Variants in KDM3A observed in about 807,000 individuals in gnomAD.
KDM3A encodes the protein lysine demethylase 3A.
A neutral mutation model predicts 158.0 loss-of-function variants in KDM3A; 60 were observed. The ratio of observed to expected loss-of-function variants is 0.38; its 90% CI spans 0.31 to 0.47. The LOEUF (loss-of-function observed/expected upper bound fraction) is 0.47, where lower values mean the gene tolerates loss of function less well. Ranked by LOEUF, KDM3A falls within the 20% of genes least tolerant of loss-of-function variation. The pLI is 0.99. For missense variants in KDM3A, 1,319 were observed against 1,574.3 expected (o/e 0.84, Z 2.74); for synonymous variants, 608 against 549.3 (o/e 1.11, Z -1.49).
At position 86,470,130 on chromosome 2, in the gene KDM3A, A is replaced by G. The variant is rs377750573; in HGVS notation, c.1520-74A>G. The G allele has an allele frequency of 4.2e-5, 51 of 1,226,786 alleles. No homozygotes were observed. In the African/African-American group the frequency reaches 7.2e-4, roughly 17 times the overall value. The allele number at this position is 1,226,786 out of a possible 1,614,324, so 76.0% of individuals were successfully genotyped here. On this transcript the variant is annotated intron_variant, in intron 10 of 25. Coordinates refer to ENST00000312912, the MANE Select transcript of KDM3A (RefSeq NM_018433.6). Reference sequence around the variant, plus strand: ...CTTTAAGGGAATATTGGGTTTTTGAATAGAATTCAGTCATATATGAATGTG... The same window carrying G: ...CTTTAAGGGAATATTGGGTTTTTGAGTAGAATTCAGTCATATATGAATGTG...
chr2:86,463,665 G>C (rs780530555), intron 8 of KDM3A, among the ~76,000 whole-genome samples: 1 of 152,240 alleles, frequency 6.6e-6, no homozygotes, highest in African/African-American at 2.4e-5. Context: ...CAGTAAGTGC[G>C]TGGTGGGCAC....
chr2:86,447,679 G>A (rs1334423671), intron 2 of KDM3A, among the ~76,000 whole-genome samples: 1 of 152,110 alleles, frequency 6.6e-6, no homozygotes, highest in Non-Finnish European at 1.5e-5. Context: ...AACATTGAGA[G>A]AACTTAGATT....
At position 86,480,340 on chromosome 2, in the gene KDM3A, G is replaced by A; in HGVS notation, c.2490G>A (p.Gly830=). The A allele has an allele frequency of 6.2e-7, 1 of 1,612,876 alleles. No individual in the cohort carries two copies. Among genetic ancestry groups the A allele is most frequent in the South Asian group, 1.1e-5 (1 of 91,034 alleles). The change falls in exon 16 of 26, where the codon GGG becomes GGA. Residue 830 remains glycine, a synonymous_variant. Transcript: ENST00000312912. ...PLNWLADLTS[G]NVNKENKEKQ... Reference sequence around the variant, plus strand: ...ACTGGCTGGCCGACCTAACCAGCGGGAATGTCAACAAGGAAAACAAGGGTG... The same window carrying A: ...ACTGGCTGGCCGACCTAACCAGCGGAAATGTCAACAAGGAAAACAAGGGTG...
intron 8 of KDM3A, among the ~76,000 whole-genome samples, chr2:86,463,119 T>C (rs1018984316): frequency 1.3e-5 from 2 of 152,024 alleles, no homozygotes; most frequent in African/African-American, 4.8e-5. Context: ...GAAAACCTAT[T>C]AGTGGAAGTT....
At chr2:86,462,847 C>CT (rs1672982199) in intron 8 of KDM3A, among the ~76,000 whole-genome samples, 1 of 152,116 alleles carries the variant, frequency 6.6e-6, no homozygotes, top group South Asian at 2.1e-4. Flanking sequence ...AATCCCAGCA[C>CT]TTTAGGAGGC....
intron 5 of KDM3A, 107 bp downstream of exon 5, chr2:86,455,294 C>CTTT (rs767439758): frequency 7.8e-5 from 42 of 538,648 alleles, no homozygotes; most frequent in Admixed American, 1.2e-4. Flanking sequence ...TTTCTTTTTT[C>CTTT]TTTTTTTTTT....
chr2:86,475,112 A>ATG (rs1290717553), intron 12 of KDM3A, 122 bp downstream of exon 12: 2 of 771,110 alleles, frequency 2.6e-6, no homozygotes, highest in Non-Finnish European at 4.3e-6. Flanking sequence ...CTTTGGTATA[A>ATG]TGAGGTTGCA....
intron 14 of KDM3A, 84 bp from the exon 15 acceptor site, chr2:86,478,524 G>A: frequency 6.9e-7 from 1 of 1,452,368 alleles, no homozygotes; most frequent in Non-Finnish European, 9.5e-7. Flanking sequence ...AATCCTGTGG[G>A]GAATGCCAGC....
intron 1 of KDM3A, 86 bp from the exon 2 acceptor site, chr2:86,441,932 C>A (rs1682734714): frequency 1.8e-6 from 2 of 1,088,076 alleles, no homozygotes; most frequent in Admixed American, 2.4e-5. Flanking sequence ...GCGGGTTCGG[C>A]GCCCTCCGCC....
intron 23 of KDM3A, 79 bp downstream of exon 23, chr2:86,489,738 C>T: frequency 6.8e-7 from 1 of 1,472,248 alleles, no homozygotes; most frequent in Non-Finnish European, 9.1e-7. Flanking sequence ...AACTGACTGG[C>T]TTGGCTAGGG....
At chr2:86,487,029 C>T (rs573277410) in intron 21 of KDM3A, 1 of 152,358 alleles carries the variant, frequency 6.6e-6, no homozygotes, top group Non-Finnish European at 1.5e-5. Context: ...CTCTCGAGGT[C>T]CTGTCCCTCG....
chr2:86,478,928 C>T (rs980817511), intron 15 of KDM3A, 193 bp downstream of exon 15: 9 of 534,372 alleles, frequency 1.7e-5, no homozygotes, highest in South Asian at 7.5e-5. Flanking sequence ...ACATTACTTT[C>T]GTAGACTCTA....
At chr2:86,440,264 T>A (rs772797961), upstream of KDM3A, among the ~76,000 whole-genome samples, 2 of 152,202 alleles carry the variant, frequency 1.3e-5, no homozygotes, top group Non-Finnish European at 2.9e-5. Context: ...TTGATTTGCA[T>A]CTATAATCCC....
intron 19 of KDM3A, 154 bp from the exon 20 acceptor site, chr2:86,484,788 A>T: frequency 1.9e-6 from 1 of 538,120 alleles, no homozygotes; most frequent in Non-Finnish European, 3.3e-6. Flanking sequence ...AAATTAAGGA[A>T]AAGTAATATT....
At chr2:86,462,779 T>C (rs1490144645) in intron 8 of KDM3A, among the ~76,000 whole-genome samples, 1 of 152,138 alleles carries the variant, frequency 6.6e-6, no homozygotes, top group Non-Finnish European at 1.5e-5. Flanking sequence ...CATATAAATA[T>C]ATTCGAAATT....
At chr2:86,479,995 T>C in intron 15 of KDM3A, 172 bp from the exon 16 acceptor site, 1 of 606,452 alleles carries the variant, frequency 1.6e-6, no homozygotes, top group Non-Finnish European at 2.9e-6. Flanking sequence ...CTTTTAGTTA[T>C]TCTCTACTAG....
intron 6 of KDM3A, 73 bp downstream of exon 6, chr2:86,456,639 C>G (rs967644570): frequency 1.3e-5 from 19 of 1,433,350 alleles, no homozygotes; most frequent in Non-Finnish European, 1.7e-5. Context: ...TTATGATTTT[C>G]TAGGCACTAA....
intron 3 of KDM3A, 139 bp from the exon 4 acceptor site, chr2:86,450,964 G>C (rs1371587262): frequency 1.2e-5 from 7 of 568,112 alleles, no homozygotes; most frequent in Admixed American, 3.5e-5. Context: ...TGCATAAATA[G>C]TTGTTATGAG....
chr2:86,479,521 A>AT (rs1294018499), intron 15 of KDM3A: 1 of 152,314 alleles, frequency 6.6e-6, no homozygotes, highest in East Asian at 1.9e-4. Context: ...AATATTGATG[A>AT]TTGGGCATCA....
Sources: allele counts gnomAD v4.1 joint callset (sites outside exome capture counted in the v4.1 genomes callset), GRCh38; gene constraint gnomAD v4.1.1; transcripts MANE v1.5; gene names NCBI Gene and HGNC (gene_info 2026-07-23, HGNC 2026-07-21).